Variants in CDH12 observed in about 807,000 individuals in gnomAD.
CDH12 encodes the protein cadherin-12.
CDH12 carries 41 observed loss-of-function variants against 74.1 expected under a neutral mutation model. The observed-to-expected ratio is 0.55, with a 90% CI of 0.43 to 0.72. The LOEUF is 0.72. CDH12 is among the 30% of genes least tolerant of loss of function. CDH12 has a pLI of 0.00. For synonymous variants in CDH12, 399 were observed against 355.0 expected (o/e 1.12, Z -1.39); for missense variants, 945 against 977.2 (o/e 0.97, Z 0.44).
intron 6 of CDH12, among the ~76,000 whole-genome samples, chr5:21,968,424 C>T (rs1388039378): frequency 1.3e-5 from 2 of 152,136 alleles, no homozygotes; most frequent in Non-Finnish European, 2.9e-5. Flanking sequence ...AAAGGATATG[C>T]ACTCTTAACA....
Position 21,755,802 on chromosome 5 carries a change from G to T in CDH12, c.1674C>A (p.Ser558Arg). 1.2e-6 allele frequency: 2 copies of T among 1,613,972 alleles called. No homozygotes were observed. Among genetic ancestry groups the T allele is most frequent in the Non-Finnish European group, 1.7e-6 (2 of 1,179,910 alleles). Residue 558 changes from serine (S) to arginine (R), a missense_variant, in exon 14 of 15, where the codon AGC (serine) becomes AGA (arginine). By Grantham distance (110) the Ser-to-Arg change is moderately radical. Transcript: ENST00000382254. ...AGIETRRNGY[S>R]RRQQELYFLP... The stretch of plus-strand genomic sequence containing the variant: ...GGAAATACAACTCTTGCTGCCTGCG[G>T]CTGTATCCATTTCTTCGGGTTTCAA...
intron 4 of CDH12, among the ~76,000 whole-genome samples, chr5:22,171,519 T>A (rs1456781570): frequency 2.0e-5 from 3 of 151,928 alleles, no homozygotes; most frequent in Admixed American, 6.6e-5. Context: ...AAGGGCGGCC[T>A]TCTATATGGT....
chr5:22,457,395 T>TTCTTCC lies in CDH12; in HGVS notation c.-428+47869_-428+47874dup, dbSNP rs1158579069. 4.1e-5 allele frequency among the ~76,000 whole-genome samples: 6 copies of TTCTTCC among 146,422 alleles called. No individual in the cohort carries two copies. The East Asian group carries it at 1.2e-3, about 30-fold the overall frequency. Reference sequence around the variant, plus strand: ...CTTCTCCTTTTCCTTCTCCTTCTCCTTCTTCCTCTTCCTCTTCCTCTTCTT... The same window carrying TTCTTCC: ...CTTCTCCTTTTCCTTCTCCTTCTCCTTCTTCCTCTTCCTCTTCCTCTTCCTCTTCTT... On this transcript the variant is annotated intron_variant, in intron 2 of 14. Transcript: ENST00000382254.
At chr5:22,442,483 C>T (rs952829051) in intron 2 of CDH12, among the ~76,000 whole-genome samples, 1 of 152,068 alleles carries the variant, frequency 6.6e-6, no homozygotes. Context: ...CATTTCCATG[C>T]TATGTTTTCC....
chr5:22,791,920 G>A (rs952533579), intron 1 of CDH12, among the ~76,000 whole-genome samples: 2 of 152,032 alleles, frequency 1.3e-5, no homozygotes, highest in Non-Finnish European at 2.9e-5. Context: ...GATTTGGGTG[G>A]GCACACAGAG....
chr5:22,285,342 G>C (rs1474363606), intron 3 of CDH12, among the ~76,000 whole-genome samples: 1 of 152,024 alleles, frequency 6.6e-6, no homozygotes, highest in African/African-American at 2.4e-5. Context: ...GTGCATATTT[G>C]CTCTTAGTTC....
chr5:22,142,325 G>A (rs1174022223), intron 4 of CDH12: 2 of 358,068 alleles, frequency 5.6e-6, no homozygotes, highest in Non-Finnish European at 1.0e-5. Context: ...AGGGGTACTG[G>A]CCTCATTGTC....
At chr5:22,585,508 TATC>T (rs1477550912) in intron 1 of CDH12, among the ~76,000 whole-genome samples, 3 of 152,100 alleles carry the variant, frequency 2.0e-5, no homozygotes, top group Non-Finnish European at 4.4e-5. Flanking sequence ...TCCCTCCTCT[TATC>T]TTCTTCGGGA....
intron 2 of CDH12, among the ~76,000 whole-genome samples, chr5:22,492,350 G>GATTTT (rs11395240): frequency 6.7e-6 from 1 of 148,436 alleles, no homozygotes; most frequent in Non-Finnish European, 1.5e-5. Flanking sequence ...TACTAAAAAT[G>GATTTT]TTTTTTTTTT....
chr5:22,241,214 A>G lies in CDH12; in HGVS notation c.-332-28571T>C, dbSNP rs77047547. Among the ~76,000 whole-genome samples the G allele has an allele frequency of 1.1e-3, 167 of 152,156 alleles. 3 individuals carry two copies. The East Asian group carries it at 0.027, about 25-fold the overall frequency. On this transcript the variant is annotated intron_variant, in intron 3 of 14. Coordinates refer to ENST00000382254, the MANE Select transcript of CDH12 (RefSeq NM_004061.5). ...TATTATAAATACTATTTATTTTTTA[A>G]TATTTATGACATATAAATACACTTT...
At chr5:22,384,543 A>AAAT (rs1741919229) in intron 3 of CDH12, among the ~76,000 whole-genome samples, 1 of 149,692 alleles carries the variant, frequency 6.7e-6, no homozygotes, top group African/African-American at 2.5e-5. Flanking sequence ...AAAAAAAAGA[A>AAAT]AAAGAAAAAG....
intron 11 of CDH12, among the ~76,000 whole-genome samples, chr5:21,766,335 T>G (rs1482516258): frequency 6.6e-6 from 1 of 152,010 alleles, no homozygotes; most frequent in African/African-American, 2.4e-5. Flanking sequence ...AGTATGTTCT[T>G]ATAATACCAG....
intron 6 of CDH12, among the ~76,000 whole-genome samples, chr5:21,880,599 CCTTCCTTCCTTCCTT>C (rs1752237486): frequency 7.1e-5 from 4 of 55,986 alleles, no homozygotes; most frequent in African/African-American, 2.4e-4. Flanking sequence ...TTCCTTCCTT[CCTTCCTTCCTTCCTT>C]CCTTCTTTCT....
chr5:22,693,936 T>C (rs1742218233), intron 1 of CDH12, among the ~76,000 whole-genome samples: 1 of 152,038 alleles, frequency 6.6e-6, no homozygotes, highest in Non-Finnish European at 1.5e-5. Context: ...AAAAATTATT[T>C]ATTTATTTAT....
chr5:21,830,908 G>A (rs1488757480), intron 8 of CDH12, among the ~76,000 whole-genome samples: 5 of 151,810 alleles, frequency 3.3e-5, no homozygotes, highest in Middle Eastern at 3.2e-3. Context: ...GCATGATGGC[G>A]GGTGCCTGTA....
chr5:22,841,609 G>A (rs1737086815), intron 1 of CDH12, among the ~76,000 whole-genome samples: 1 of 151,662 alleles, frequency 6.6e-6, no homozygotes, highest in African/African-American at 2.4e-5. Flanking sequence ...ATAGACAGGA[G>A]AAAACTAATG....
chr5:22,359,103 C>A (rs1277288267), intron 3 of CDH12, among the ~76,000 whole-genome samples: 1 of 151,970 alleles, frequency 6.6e-6, no homozygotes. Context: ...TGTAAATGGG[C>A]TAAATGCTCC....
At chr5:21,863,357 T>C (rs1347304946) in intron 6 of CDH12, among the ~76,000 whole-genome samples, 2 of 152,186 alleles carry the variant, frequency 1.3e-5, no homozygotes, top group African/African-American at 2.4e-5. Flanking sequence ...CAAACAGAGA[T>C]AATTTGTTCA....
chr5:21,942,334 G>GTATATA (rs761850084), intron 6 of CDH12, among the ~76,000 whole-genome samples: 1,921 of 106,896 alleles, frequency 0.018, 52 homozygotes, highest in African/African-American at 0.057. Context: ...GACAAATACA[G>GTATATA]TATATATATA....
Sources: allele counts gnomAD v4.1 joint callset (sites outside exome capture counted in the v4.1 genomes callset), GRCh38; gene constraint gnomAD v4.1.1; transcripts MANE v1.5; gene names NCBI Gene and HGNC (gene_info 2026-07-23, HGNC 2026-07-21).